The following ZNF578 variants were observed in gnomAD, a reference collection of about 807,000 sequenced individuals.
The protein encoded by ZNF578 is Putative chemokine-related protein B42.
Under a neutral mutation model 8.3 loss-of-function variants are expected in ZNF578, and 8 were observed. That is an observed-to-expected ratio of 0.96 (90% confidence interval 0.56 to 1.74). The LOEUF (loss-of-function observed/expected upper bound fraction) is 1.74, where lower values mean the gene tolerates loss of function less well. Ranked by LOEUF, ZNF578 falls within the 40% of genes most tolerant of loss-of-function variation. The probability of loss-of-function intolerance (pLI) is 0.00; values close to 1 mark genes in which losing one functional copy is unlikely to be tolerated. For synonymous variants in ZNF578, 206 were observed against 232.2 expected (o/e 0.89, Z 1.03); for missense variants, 726 against 707.5 (o/e 1.03, Z -0.30).
At chr19:52,502,007 T>C (rs1247493432) in intron 4 of ZNF578, 99 bp downstream of exon 4, 3 of 1,506,516 alleles carry the variant, frequency 2.0e-6, no homozygotes, top group Non-Finnish European at 1.8e-6. Flanking sequence ...CAGCCAGTCT[T>C]TTCTGAGTCT....
intron 2 of ZNF578, among the ~76,000 whole-genome samples, chr19:52,489,671 C>G (rs538469584): frequency 6.8e-6 from 1 of 147,012 alleles, no homozygotes; most frequent in Non-Finnish European, 1.5e-5. Context: ...AGAAATTCTT[C>G]TTTTTTTTTT....
intron 2 of ZNF578, among the ~76,000 whole-genome samples, chr19:52,490,750 G>A (rs768931562): frequency 6.6e-5 from 10 of 151,712 alleles, no homozygotes; most frequent in Non-Finnish European, 1.0e-4. Context: ...GGATTCTTGT[G>A]CCTCAGCCTC....
At chr19:52,504,251 C>T (rs758573624) in intron 4 of ZNF578, among the ~76,000 whole-genome samples, 19 of 151,932 alleles carry the variant, frequency 1.3e-4, no homozygotes, top group Non-Finnish European at 2.4e-4. Context: ...CCACAATGCC[C>T]GTCTAATTTT....
At position 52,459,769 on chromosome 19, in the gene ZNF578, A is replaced by ATATATTTTTTTT. The variant is rs1555751349; in HGVS notation, c.-122+2812_-122+2813insATATTTTTTTTT. Among the ~76,000 whole-genome samples, 112 of 17,622 alleles carry ATATATTTTTTTT rather than the reference A, an allele frequency of 6.4e-3. 32 individuals carry two copies. The highest frequency in any genetic ancestry group is 0.012 in the South Asian group (2 of 164). The allele number at this position is 17,622 out of a possible 152,430, so 11.6% of individuals were successfully genotyped here. ...TGTGTGTGTATATATATATATATAT[A>ATATATTTTTTTT]TTTTTTTTTTTTTTTTTTTTTTTTG... On this transcript the variant is annotated intron_variant, in intron 2 of 5. Coordinates refer to ENST00000421239, the MANE Select transcript of ZNF578 (RefSeq NM_001099694.2).
At chr19:52,492,128 A>G (rs1371524725) in intron 3 of ZNF578, among the ~76,000 whole-genome samples, 2 of 131,286 alleles carry the variant, frequency 1.5e-5, no homozygotes, top group Non-Finnish European at 3.1e-5. Flanking sequence ...ACTGCACTCC[A>G]GCCTGGGCGA....
Position 52,483,796 on chromosome 19 carries a change from T to TGTTA in ZNF578, c.-121-7525_-121-7522dup, listed in dbSNP as rs553521046. 1.1e-3 allele frequency among the ~76,000 whole-genome samples: 162 copies of TGTTA among 152,294 alleles called. 2 individuals carry two copies. The East Asian group carries it at 0.013, about 13-fold the overall frequency. Reference sequence around the variant, plus strand: ...ACATCATAATTGCACCCTCCGACACTGTTAGTCAGTTCTTATTGCTTTTAA... The same window carrying TGTTA: ...ACATCATAATTGCACCCTCCGACACTGTTAGTTAGTCAGTTCTTATTGCTTTTAA... On this transcript the variant is annotated intron_variant, in intron 2 of 5. Transcript: ENST00000421239.
At chr19:52,473,934 C>G in intron 2 of ZNF578, 1 of 349,912 alleles carries the variant, frequency 2.9e-6, no homozygotes, top group Non-Finnish European at 5.7e-6. Flanking sequence ...ATCCAGTGTT[C>G]TGTAAAGTGT....
rs575310380 is a variant in ZNF578 at position 52,512,917 on chromosome 19, C to T, written c.*763C>T. On this transcript the variant is annotated 3_prime_UTR_variant, in exon 6 of 6. Transcript: ENST00000421239. Reference sequence around the variant, plus strand: ...GGATTGGGCCAGGTGCAGTGGATCACGCCTGTAATCCCAGCACATTGGGAG... The same window carrying T: ...GGATTGGGCCAGGTGCAGTGGATCATGCCTGTAATCCCAGCACATTGGGAG... Among the ~76,000 whole-genome samples, 49 of 152,256 alleles carry T rather than the reference C, an allele frequency of 3.2e-4. No homozygotes were observed. Among genetic ancestry groups the T allele is most frequent in the African/African-American group, 8.7e-4 (36 of 41,536 alleles).
At chr19:52,495,660 C>T (rs6509648) in intron 3 of ZNF578, among the ~76,000 whole-genome samples, 24,579 of 142,406 alleles carry the variant, frequency 0.17, 2,460 homozygotes, top group Non-Finnish European at 0.2. Flanking sequence ...AGTGATGACA[C>T]GTTGTTTTCT....
In ZNF578 at chr19:52,501,879, G is replaced by T. The variant is rs889127796; in HGVS notation, c.34G>T (p.Gly12Ter). ...TGAGGAAGCAGCTCAGAAGAGGAAAGGAAAGGAGCCAGGCATGGCTCTTCC... is the reference window on the plus strand; with the variant it reads ...TGAGGAAGCAGCTCAGAAGAGGAAATGAAAGGAGCCAGGCATGGCTCTTCC... ...LHEEAAQKRK[G>*]KEPGMALPQG... Residue 12 changes from glycine to a stop codon, truncating the protein, a stop_gained, in exon 4 of 6, where the codon GGA becomes TGA. Transcript: ENST00000421239. LOFTEE classifies it high-confidence loss of function. The T allele has an allele frequency of 1.9e-6, 3 of 1,613,494 alleles. No individual in the cohort carries two copies. In the African/African-American group the frequency reaches 4.0e-5, roughly 22 times the overall value.
Position 52,471,045 on chromosome 19 carries a change from T to A in ZNF578, c.-122+14087T>A, listed in dbSNP as rs558326467. Among the ~76,000 whole-genome samples, 11 of 152,300 alleles carry A rather than the reference T, an allele frequency of 7.2e-5. No homozygotes were observed. In the East Asian group the frequency reaches 2.1e-3, roughly 29 times the overall value. On this transcript the variant is annotated intron_variant, in intron 2 of 5. Transcript: ENST00000421239. ...GCACCTACCCCCACCCACTTCCTCC[T>A]GTTCTGGCCATGTGAAGTGCCTGCT...
In ZNF578 at chr19:52,483,169, A is replaced by G. The variant is rs191211577; in HGVS notation, c.-121-8155A>G. ...GGTGGCTCACACTTGTAATCCCAGC[A>G]CTTTGGAAGGCTGATGCAGGCAAAT... is the stretch of plus-strand genomic sequence containing the variant. On this transcript the variant is annotated intron_variant, in intron 2 of 5. Coordinates refer to ENST00000421239, the MANE Select transcript of ZNF578 (RefSeq NM_001099694.2). 7.9e-3 allele frequency among the ~76,000 whole-genome samples: 1,207 copies of G among 152,224 alleles called. 19 individuals are homozygous for G. The highest frequency in any genetic ancestry group is 0.028 in the African/African-American group (1,163 of 41,536).
chr19:52,502,091 ATT>A (rs1278000473), intron 4 of ZNF578, among the ~76,000 whole-genome samples, 183 bp downstream of exon 4: 1 of 152,158 alleles, frequency 6.6e-6, no homozygotes, highest in Non-Finnish European at 1.5e-5. Context: ...GCTCAAAAGA[ATT>A]CCATCTCCTG....
chr19:52,475,622 G>C (rs1354215379), intron 2 of ZNF578, among the ~76,000 whole-genome samples: 1 of 152,194 alleles, frequency 6.6e-6, no homozygotes, highest in East Asian at 1.9e-4. Flanking sequence ...ATCTCAAAGT[G>C]CTGGGATTAT....
chr19:52,489,603 TA>T (rs1319124341), intron 2 of ZNF578, among the ~76,000 whole-genome samples: 4 of 151,574 alleles, frequency 2.6e-5, no homozygotes, highest in East Asian at 3.9e-4. Context: ...ATTAAATAAA[TA>T]AATAAATAAT....
At chr19:52,492,260 C>G (rs1191340292) in intron 3 of ZNF578, among the ~76,000 whole-genome samples, 1 of 151,798 alleles carries the variant, frequency 6.6e-6, no homozygotes, top group African/African-American at 2.4e-5. Flanking sequence ...GGTCTGGACC[C>G]CCAGGTTCAG....
In ZNF578 at chr19:52,516,039, C is replaced by T. The variant is rs527635620; in HGVS notation, c.*3885C>T. Among the ~76,000 whole-genome samples the T allele has an allele frequency of 2.6e-5, 4 of 152,220 alleles. No individual in the cohort carries two copies. The highest frequency in any genetic ancestry group is 4.4e-5 in the Non-Finnish European group (3 of 68,026). ...TGTCCAGCCTCCTCCTGGCAGCTTGCCCTCATCTCATGACTCCCTCTGCCC... is the reference window on the plus strand; with the variant it reads ...TGTCCAGCCTCCTCCTGGCAGCTTGTCCTCATCTCATGACTCCCTCTGCCC... On this transcript the variant is annotated 3_prime_UTR_variant, in exon 6 of 6. Coordinates refer to ENST00000421239, the MANE Select transcript of ZNF578 (RefSeq NM_001099694.2).
Position 52,515,716 on chromosome 19 carries a change from C to G in ZNF578, c.*3562C>G, listed in dbSNP as rs4146509. Among the ~76,000 whole-genome samples, 2 of 150,208 alleles carry G rather than the reference C, an allele frequency of 1.3e-5. No homozygotes were observed. Among genetic ancestry groups the G allele is most frequent in the African/African-American group, 2.4e-5 (1 of 40,896 alleles). On this transcript the variant is annotated 3_prime_UTR_variant, in exon 6 of 6. Coordinates refer to ENST00000421239, the MANE Select transcript of ZNF578 (RefSeq NM_001099694.2). ...TTGAAATGATTGGCAAAATGGAGTG[C>G]GTGTCTGGGTGTGGCTTTTTTTTTT...
At chr19:52,487,711 C>T (rs530184239) in intron 2 of ZNF578, among the ~76,000 whole-genome samples, 1 of 151,412 alleles carries the variant, frequency 6.6e-6, no homozygotes, top group Middle Eastern at 3.5e-3. Context: ...CTAACTGCAG[C>T]CTTGACCTCT....
Sources: allele counts gnomAD v4.1 joint callset (sites outside exome capture counted in the v4.1 genomes callset), GRCh38; gene constraint gnomAD v4.1.1; transcripts MANE v1.5; gene names NCBI Gene and HGNC (gene_info 2026-07-23, HGNC 2026-07-21).